The following CAMK1D variants were observed in gnomAD, a reference collection of about 807,000 sequenced individuals.
CAMK1D encodes the protein calcium/calmodulin-dependent protein kinase type 1D.
In CAMK1D, 9 loss-of-function variants were observed where a neutral mutation model predicts 47.7. The observed-to-expected ratio is 0.19, with a 90% CI of 0.11 to 0.33. The LOEUF (loss-of-function observed/expected upper bound fraction) is 0.33, where lower values mean the gene tolerates loss of function less well. CAMK1D is among the 10% of genes least tolerant of loss of function. The pLI is 1.00. For missense variants in CAMK1D, 291 were observed against 488.7 expected (o/e 0.60, Z 3.81); for synonymous variants, 184 against 184.9 (o/e 0.99, Z 0.04).
chr10:12,499,592 G>A (rs1286354534), intron 1 of CAMK1D, among the ~76,000 whole-genome samples: 2 of 152,166 alleles, frequency 1.3e-5, no homozygotes, highest in Non-Finnish European at 2.9e-5. Flanking sequence ...TTTTATGATA[G>A]GATTTGGCTG....
Position 12,825,636 on chromosome 10 carries a change from G to A in CAMK1D, c.985G>A (p.Asp329Asn). The A allele has an allele frequency of 6.2e-7, 1 of 1,614,234 alleles. No homozygotes were observed. Among genetic ancestry groups the A allele is most frequent in the Non-Finnish European group, 8.5e-7 (1 of 1,180,034 alleles). The part of the protein sequence containing the change: ...MRKLHLGSSL[D>N]SSNASVSSSL... ...AAAACTACACCTCGGCAGCAGCCTG[G>A]ACAGTTCAAATGCAAGTGTTTCGAG... Residue 329 changes from aspartate to asparagine, a missense_variant, in exon 10 of 11, where the codon GAC (aspartate) becomes AAC (asparagine). Physicochemically the swap from Asp to Asn is conservative, Grantham distance 23. Coordinates refer to ENST00000619168, the MANE Select transcript of CAMK1D (RefSeq NM_153498.4).
chr10:12,565,990 A>G (rs573230756), intron 2 of CAMK1D, among the ~76,000 whole-genome samples: 1 of 152,138 alleles, frequency 6.6e-6, no homozygotes, highest in Non-Finnish European at 1.5e-5. Flanking sequence ...AGTGTGGTGA[A>G]GTCCTGAGAA....
intron 2 of CAMK1D, among the ~76,000 whole-genome samples, chr10:12,592,755 C>A (rs930916227): frequency 1.3e-5 from 2 of 152,176 alleles, no homozygotes; most frequent in Non-Finnish European, 2.9e-5. Flanking sequence ...CTATTTCTCC[C>A]GTGGCTACTA....
At chr10:12,467,278 G>A (rs1196384473) in intron 1 of CAMK1D, among the ~76,000 whole-genome samples, 1 of 151,926 alleles carries the variant, frequency 6.6e-6, no homozygotes, top group African/African-American at 2.4e-5. Flanking sequence ...TCAGCCCCCC[G>A]ATTAGCTGGG....
At chr10:12,407,591 G>T (rs1452220644) in intron 1 of CAMK1D, among the ~76,000 whole-genome samples, 1 of 152,182 alleles carries the variant, frequency 6.6e-6, no homozygotes, top group African/African-American at 2.4e-5. Flanking sequence ...TGAGGGCAGG[G>T]AGTAACCAGC....
chr10:12,682,872 A>C (rs1832499322), intron 3 of CAMK1D, among the ~76,000 whole-genome samples: 1 of 145,688 alleles, frequency 6.9e-6, no homozygotes, highest in African/African-American at 2.5e-5. Flanking sequence ...CTTTAACAGA[A>C]AGTTATTTTA....
chr10:12,578,235 T>G (rs2132331376), intron 2 of CAMK1D, among the ~76,000 whole-genome samples: 2 of 152,078 alleles, frequency 1.3e-5, no homozygotes, highest in African/African-American at 4.8e-5. Context: ...CCACCTTGCC[T>G]GGCTAATTTT....
chr10:12,742,615 G>A (rs1003969476), intron 3 of CAMK1D, among the ~76,000 whole-genome samples: 5 of 152,178 alleles, frequency 3.3e-5, no homozygotes, highest in East Asian at 1.9e-4. Flanking sequence ...AGCAAATCAC[G>A]TGAGCTGAGG....
At chr10:12,616,013 ATGTGTGTTGC>A (rs1197330424) in intron 2 of CAMK1D, among the ~76,000 whole-genome samples, 1 of 144,110 alleles carries the variant, frequency 6.9e-6, no homozygotes, top group Non-Finnish European at 1.5e-5. Context: ...GTGGGTGTGC[ATGTGTGTTGC>A]TGTGTGTGTG....
At chr10:12,675,696 G>A (rs997437053) in intron 3 of CAMK1D, among the ~76,000 whole-genome samples, 3 of 151,962 alleles carry the variant, frequency 2.0e-5, no homozygotes, top group Non-Finnish European at 2.9e-5. Context: ...ATCTTATCAC[G>A]CCTTTGTTGA....
intron 1 of CAMK1D, among the ~76,000 whole-genome samples, chr10:12,449,230 G>C (rs980769761): frequency 4.6e-5 from 7 of 152,038 alleles, no homozygotes; most frequent in Non-Finnish European, 1.0e-4. Flanking sequence ...AGTGTGGCTT[G>C]TCTGCCATCC....
intron 2 of CAMK1D, among the ~76,000 whole-genome samples, chr10:12,603,091 G>A (rs1588680012): frequency 6.6e-6 from 1 of 151,744 alleles, no homozygotes; most frequent in East Asian, 1.9e-4. Flanking sequence ...TTATATTTTT[G>A]GTAAAGATGG....
At chr10:12,459,939 A>G (rs2132051026) in intron 1 of CAMK1D, among the ~76,000 whole-genome samples, 1 of 152,326 alleles carries the variant, frequency 6.6e-6, no homozygotes, top group South Asian at 2.1e-4. Flanking sequence ...AGGAAAAATA[A>G]CACAGACTGG....
intron 2 of CAMK1D, among the ~76,000 whole-genome samples, chr10:12,573,428 C>G (rs905209110): frequency 7.2e-5 from 11 of 152,150 alleles, no homozygotes; most frequent in Admixed American, 1.3e-4. Flanking sequence ...CAGTCATTGG[C>G]ACGAAAGTCA....
chr10:12,599,217 A>T (rs1056620557), intron 2 of CAMK1D, among the ~76,000 whole-genome samples: 14 of 152,178 alleles, frequency 9.2e-5, no homozygotes, highest in Admixed American at 7.9e-4. Context: ...GTTGTAAAAA[A>T]TTATGGTGAA....
In CAMK1D at chr10:12,763,804, A is replaced by ATATTCCAACTCAGG. The variant is rs377243965; in HGVS notation, c.438+2723_438+2736dup. Among the ~76,000 whole-genome samples, 1,426 of 152,322 alleles carry ATATTCCAACTCAGG rather than the reference A, an allele frequency of 9.4e-3. 27 individuals are homozygous for ATATTCCAACTCAGG. The highest frequency in any genetic ancestry group is 0.032 in the African/African-American group (1,342 of 41,560). On this transcript the variant is annotated intron_variant, in intron 4 of 10. Transcript: ENST00000619168. ...GGATTATTATAAAGTGTTGGGGTTGATATTCCAACTCAGGTATTGGCCACC... is the reference window on the plus strand; with the variant it reads ...GGATTATTATAAAGTGTTGGGGTTGATATTCCAACTCAGGTATTCCAACTCAGGTATTGGCCACC...
At chr10:12,674,599 CTTT>C (rs11391139) in intron 3 of CAMK1D, among the ~76,000 whole-genome samples, 7 of 63,472 alleles carry the variant, frequency 1.1e-4, no homozygotes, top group African/African-American at 2.0e-4. Context: ...TGGAAAAATG[CTTT>C]TTTTTTTTTT....
intron 2 of CAMK1D, among the ~76,000 whole-genome samples, chr10:12,658,960 G>A (rs1272778273): frequency 6.6e-6 from 1 of 152,180 alleles, no homozygotes; most frequent in Non-Finnish European, 1.5e-5. Flanking sequence ...GGGTCTAATA[G>A]AGCTGATTAA....
intron 4 of CAMK1D, among the ~76,000 whole-genome samples, chr10:12,768,031 C>T (rs551413481): frequency 6.6e-6 from 1 of 152,232 alleles, no homozygotes; most frequent in African/African-American, 2.4e-5. Context: ...TGCCACCACG[C>T]CCGGCTAATT....
Sources: gnomAD v4.1 joint callset for allele counts (sites outside exome capture counted in the v4.1 genomes callset) on GRCh38, gnomAD v4.1.1 for gene constraint, MANE v1.5 for transcripts, NCBI Gene and HGNC (gene_info 2026-07-23, HGNC 2026-07-21) for gene names.